GALNT13: variants seen among roughly 807,000 people sequenced by gnomAD.
The protein encoded by GALNT13 is UDP-GalNAc:polypeptide N-acetylgalactosaminyltransferase 13.
A neutral mutation model predicts 64.2 loss-of-function variants in GALNT13; 28 were observed. That is an observed-to-expected ratio of 0.44 (90% CI 0.32 to 0.60). The LOEUF (loss-of-function observed/expected upper bound fraction) is 0.60, where lower values mean the gene tolerates loss of function less well. Among genes scored for constraint, GALNT13 ranks in the 20% least tolerant of loss-of-function variants. GALNT13 has a pLI of 0.05. For synonymous variants in GALNT13, 214 were observed against 224.6 expected, an observed-to-expected ratio of 0.95 and a Z score of 0.42; for missense variants, 577 against 669.8, an observed-to-expected ratio of 0.86 and a Z score of 1.53.
the GALNT13 span, among the ~76,000 whole-genome samples, chr2:153,433,306 T>A: frequency 6.6e-6 from 1 of 152,228 alleles, no homozygotes; most frequent in Admixed American, 6.5e-5. Context: ...ATAGTTCACA[T>A]GAAGTGGCAA....
At chr2:153,689,581 T>C in the GALNT13 span, among the ~76,000 whole-genome samples, 1 of 152,110 alleles carries the variant, frequency 6.6e-6, no homozygotes, top group Non-Finnish European at 1.5e-5. Flanking sequence ...TTTAAATCTA[T>C]AACACTATGA....
chr2:153,075,494 G>A, the GALNT13 span, among the ~76,000 whole-genome samples: 1 of 152,058 alleles, frequency 6.6e-6, no homozygotes, highest in Admixed American at 6.6e-5. Flanking sequence ...ATAATTACTG[G>A]AAGCAGATTT....
Position 154,367,063 on chromosome 2 carries a change from ACTC to A in GALNT13, c.1157-28925_1157-28923del, listed in dbSNP as rs560237525. 4.2e-3 allele frequency among the ~76,000 whole-genome samples: 636 copies of A among 152,156 alleles called. 4 individuals are homozygous for A. Among genetic ancestry groups the A allele is most frequent in the African/African-American group, 0.014 (598 of 41,488 alleles). ...TATGTTCATTATTTTAGTTAAATAA[ACTC>A]CTTTTTTAAAAAAAAATTGAAATTA... is the stretch of plus-strand genomic sequence containing the variant. On this transcript the variant is annotated intron_variant, in intron 9 of 12. Transcript: ENST00000392825.
intron 3 of GALNT13, among the ~76,000 whole-genome samples, chr2:154,093,140 A>T (rs1430661278): frequency 1.3e-5 from 2 of 152,038 alleles, no homozygotes; most frequent in East Asian, 3.9e-4. Flanking sequence ...GAGAAATAAA[A>T]TTATATGAGT....
chr2:154,365,350 T>C (rs1852602), intron 9 of GALNT13, among the ~76,000 whole-genome samples: 150,969 of 152,276 alleles, frequency 0.99, 74,855 homozygotes, highest in Middle Eastern at 1. Context: ...ACCAGAGCAA[T>C]ACAGCTACCC....
chr2:153,977,850 C>T (rs1376562859), intron 3 of GALNT13, among the ~76,000 whole-genome samples: 2 of 152,060 alleles, frequency 1.3e-5, no homozygotes, highest in East Asian at 3.9e-4. Flanking sequence ...GAAATTCTAA[C>T]TTCTTCTCAA....
upstream of GALNT13, among the ~76,000 whole-genome samples, chr2:153,867,551 A>T (rs1485251948): frequency 6.6e-6 from 1 of 152,084 alleles, no homozygotes; most frequent in African/African-American, 2.4e-5. Flanking sequence ...TTTTCCACAG[A>T]CTGGGAGAGG....
chr2:153,508,192 T>C, the GALNT13 span, among the ~76,000 whole-genome samples: 2 of 152,194 alleles, frequency 1.3e-5, no homozygotes, highest in Non-Finnish European at 1.5e-5. Flanking sequence ...TCAGCTCTTA[T>C]AGGGAGGAAG....
At chr2:153,116,794 C>CTTTTTTTTTT in the GALNT13 span, among the ~76,000 whole-genome samples, 3 of 82,466 alleles carry the variant, frequency 3.6e-5, no homozygotes, top group Admixed American at 1.9e-4. Context: ...GTGTTGTCTT[C>CTTTTTTTTTT]TTTTTTTTTT....
intron 3 of GALNT13, among the ~76,000 whole-genome samples, chr2:154,032,993 T>C (rs1004998939): frequency 7.9e-5 from 12 of 150,978 alleles, no homozygotes; most frequent in African/African-American, 2.7e-4. Context: ...TGTATGTAAA[T>C]AGATATTGGG....
the GALNT13 span, among the ~76,000 whole-genome samples, chr2:153,262,276 A>G: frequency 3.9e-5 from 6 of 152,154 alleles, no homozygotes; most frequent in Admixed American, 6.5e-5. Flanking sequence ...TGCTAAATTC[A>G]TCGGCAGTTG....
At chr2:153,152,064 T>A in the GALNT13 span, among the ~76,000 whole-genome samples, 8 of 151,962 alleles carry the variant, frequency 5.3e-5, no homozygotes, top group Non-Finnish European at 8.8e-5. Flanking sequence ...ATTCAGGAGA[T>A]CAAATCTGCT....
At chr2:153,656,001 T>G in the GALNT13 span, among the ~76,000 whole-genome samples, 1 of 152,162 alleles carries the variant, frequency 6.6e-6, no homozygotes, top group South Asian at 2.1e-4. Flanking sequence ...TTTCACTTAC[T>G]CTTTATCATT....
intron 3 of GALNT13, among the ~76,000 whole-genome samples, chr2:153,995,531 A>G (rs1030037108): frequency 1.3e-5 from 2 of 152,052 alleles, no homozygotes; most frequent in Non-Finnish European, 2.9e-5. Flanking sequence ...GTTTTTGTTT[A>G]TATTTGGCAC....
chr2:153,635,185 G>A, the GALNT13 span, among the ~76,000 whole-genome samples: 2 of 151,818 alleles, frequency 1.3e-5, no homozygotes, highest in Non-Finnish European at 2.9e-5. Flanking sequence ...TGATCCTTTG[G>A]TAGACCCAGT....
At chr2:153,466,876 T>C in the GALNT13 span, among the ~76,000 whole-genome samples, 1 of 152,078 alleles carries the variant, frequency 6.6e-6, no homozygotes, top group East Asian at 1.9e-4. Context: ...TGCACTCCAA[T>C]TTCCTCAGCA....
chr2:153,162,303 A>G, the GALNT13 span, among the ~76,000 whole-genome samples: 1 of 152,064 alleles, frequency 6.6e-6, no homozygotes, highest in Admixed American at 6.5e-5. Flanking sequence ...TTTTTCATCC[A>G]TTTTTTGGAA....
intron 3 of GALNT13, among the ~76,000 whole-genome samples, chr2:154,000,919 C>T (rs1430547375): frequency 6.6e-6 from 1 of 151,868 alleles, no homozygotes; most frequent in African/African-American, 2.4e-5. Flanking sequence ...TATATTGCAA[C>T]CAATCTCTCC....
the GALNT13 span, among the ~76,000 whole-genome samples, chr2:153,182,770 T>C: frequency 6.6e-6 from 1 of 152,214 alleles, no homozygotes; most frequent in Non-Finnish European, 1.5e-5. Context: ...ATTCCATCCA[T>C]ATCCCTGCAA....
Sources: allele counts gnomAD v4.1 joint callset (sites outside exome capture counted in the v4.1 genomes callset), GRCh38; gene constraint gnomAD v4.1.1; transcripts MANE v1.5; gene names NCBI Gene and HGNC (gene_info 2026-07-23, HGNC 2026-07-21).